The following MCF2L variants were observed in gnomAD, a reference collection of about 807,000 sequenced individuals.
The protein encoded by MCF2L is MCF.2 cell line derived transforming sequence like, also known as guanine nucleotide exchange factor DBS.
A neutral mutation model predicts 153.4 loss-of-function variants in MCF2L; 97 were observed. The observed-to-expected ratio is 0.63, with a 90% CI of 0.54 to 0.75. The LOEUF is 0.75. Among genes scored for constraint, MCF2L ranks in the 30% least tolerant of loss-of-function variants. MCF2L has a pLI of 0.00. For synonymous variants in MCF2L, 659 were observed against 632.2 expected (o/e 1.04, Z -0.64); for missense variants, 1,347 against 1,495.2 (o/e 0.90, Z 1.64).
Position 112,941,785 on chromosome 13 carries a change from C to G in MCF2L, c.169+39414C>G, listed in dbSNP as rs2081577701. On this transcript the variant is annotated intron_variant, in intron 2 of 29. Coordinates refer to the MCF2L transcript ENST00000375608. The surrounding 1 kb of genome is among the most constrained non-coding windows in gnomAD (Gnocchi z 4.9). ...ATCAATCATTAGTTTGTAGCAATTA[C>G]TCTTTATTCCAATATTATAATAATC... Among the ~76,000 whole-genome samples, 1 of 152,098 alleles carries G rather than the reference C, an allele frequency of 6.6e-6. No homozygotes were observed. Among genetic ancestry groups the G allele is most frequent in the South Asian group, 2.1e-4 (1 of 4,826 alleles).
In MCF2L at chr13:113,078,658, C is replaced by T. The variant is rs78495042; in HGVS notation, c.1735-8C>T. The T allele has an allele frequency of 4.9e-5, 79 of 1,611,556 alleles. No homozygotes were observed. In the East Asian group the frequency reaches 1.6e-3, roughly 32 times the overall value. On this transcript the variant is annotated splice_region_variant and splice_polypyrimidine_tract_variant and intron_variant, in intron 14 of 29. Coordinates refer to ENST00000535094, the MANE Select transcript of MCF2L (RefSeq NM_001112732.3). ...GCCTTTCAGACCTGACGCTGTTTTT[C>T]TCCCCAGAGTGAGATGAGTGAGAGC...
chr13:112,897,042 C>T (rs1053761250), intron 1 of MCF2L, among the ~76,000 whole-genome samples: 1 of 152,182 alleles, frequency 6.6e-6, no homozygotes, highest in Non-Finnish European at 1.5e-5. Flanking sequence ...AGGGCCCCAG[C>T]TCGGAGTGCG....
intron 2 of MCF2L, chr13:112,917,096 C>A: frequency 2.1e-6 from 1 of 471,296 alleles, no homozygotes; most frequent in Admixed American, 2.3e-5. Context: ...CCTGCCTGAT[C>A]TCTCCATCTG....
intron 26 of MCF2L, chr13:113,090,826 C>T (rs1295121903): frequency 1.8e-6 from 2 of 1,090,560 alleles, no homozygotes; most frequent in Non-Finnish European, 2.2e-6. Flanking sequence ...ACAACAGATT[C>T]TGGTGCTGCA....
intron 2 of MCF2L, among the ~76,000 whole-genome samples, chr13:112,938,744 C>T (rs140496480): frequency 3.9e-5 from 6 of 152,308 alleles, no homozygotes; most frequent in Non-Finnish European, 7.3e-5. Flanking sequence ...AAAGTTTTGG[C>T]GCTACCAGGG....
In MCF2L at chr13:113,027,826, C is replaced by T. The variant is rs1481067307; in HGVS notation, c.278+3068C>T. ...GGGGATGGCTGGGCAGGGGAGCGCC[C>T]GAAGGCTCAGACCACATGGCCGTAC... is the stretch of plus-strand genomic sequence containing the variant. On this transcript the variant is annotated intron_variant, in intron 3 of 29. Coordinates refer to ENST00000535094, the MANE Select transcript of MCF2L (RefSeq NM_001112732.3). The surrounding 1 kb of genome is among the most constrained non-coding windows in gnomAD (Gnocchi z 4.8). 6.6e-6 allele frequency among the ~76,000 whole-genome samples: 1 copy of T among 152,174 alleles called. No homozygotes were observed. The highest frequency in any genetic ancestry group is 2.4e-5 in the African/African-American group (1 of 41,430).
intron 1 of MCF2L, among the ~76,000 whole-genome samples, chr13:113,004,123 C>T (rs2083540202): frequency 6.6e-6 from 1 of 152,158 alleles, no homozygotes; most frequent in South Asian, 2.1e-4. Flanking sequence ...TGGTGCAGGC[C>T]ACGCCTCCCC....
intron 1 of MCF2L, among the ~76,000 whole-genome samples, chr13:112,987,114 G>A (rs1407383415): frequency 2.0e-5 from 3 of 152,142 alleles, no homozygotes; most frequent in Non-Finnish European, 2.9e-5. Flanking sequence ...CTCACTCAGT[G>A]GAGCTGCCTT....
intron 8 of MCF2L, among the ~76,000 whole-genome samples, chr13:113,069,808 C>G (rs1384003011): frequency 6.6e-6 from 1 of 152,132 alleles, no homozygotes; most frequent in Non-Finnish European, 1.5e-5. Flanking sequence ...TCGCAGTGAC[C>G]TAGAGGGAGA....
intron 2 of MCF2L, among the ~76,000 whole-genome samples, chr13:112,931,383 G>A (rs564921083): frequency 2.6e-5 from 4 of 152,328 alleles, no homozygotes; most frequent in South Asian, 4.2e-4. Flanking sequence ...CTGCTCTGCC[G>A]GAAGCTGAAA....
Position 113,041,355 on chromosome 13 carries a change from G to A in MCF2L, c.279-3916G>A, listed in dbSNP as rs554409596. On this transcript the variant is annotated intron_variant, in intron 3 of 29. Transcript: ENST00000535094. Reference sequence around the variant, plus strand: ...TGAGCAGATCCAGGTCCTGCCTCACGGTTTTGGGCAGTGCAGCCTCGGGAA... The same window carrying A: ...TGAGCAGATCCAGGTCCTGCCTCACAGTTTTGGGCAGTGCAGCCTCGGGAA... Among the ~76,000 whole-genome samples, 8 of 152,328 alleles carry A rather than the reference G, an allele frequency of 5.3e-5. No individual in the cohort carries two copies. In the South Asian group the frequency reaches 1.2e-3, roughly 24 times the overall value.
At chr13:113,007,869 A>C (rs186100987) in intron 1 of MCF2L, among the ~76,000 whole-genome samples, 2 of 148,292 alleles carry the variant, frequency 1.3e-5, no homozygotes, top group East Asian at 3.9e-4. Flanking sequence ...GTCACGTGAC[A>C]AACTTTGTGC....
chr13:112,969,430 G>A lies in MCF2L; in HGVS notation c.51G>A (p.Gln17=). ...AGATGGCCTTGGAAGAAATGGTGCA[G>A]AGATTAAATGCGGTTTCCAAGCACA... ...TEEMALEEMV[Q]RLNAVSKHTD... Residue 17 remains glutamine (Q), a synonymous_variant, in exon 1 of 30, where the codon CAG becomes CAA. Coordinates refer to ENST00000535094, the MANE Select transcript of MCF2L (RefSeq NM_001112732.3). The surrounding 1 kb of genome is among the most constrained non-coding windows in gnomAD (Gnocchi z 4.8). 1.9e-6 allele frequency: 3 copies of A among 1,550,510 alleles called. No individual in the cohort carries two copies. The highest frequency in any genetic ancestry group is 2.6e-6 in the Non-Finnish European group (3 of 1,146,908).
rs1391769669 is a variant in MCF2L at position 113,098,397 on chromosome 13, C to T, written c.*1538C>T. ...GTGCCTCCGTCTCGTCGCACAGCTG[C>T]GCGCCCTTGTGTGACCCTCCCCATA... On this transcript the variant is annotated 3_prime_UTR_variant, in exon 30 of 30. Transcript: ENST00000535094. 3 of 152,524 alleles carry T rather than the reference C, an allele frequency of 2.0e-5. No homozygotes were observed. The highest frequency in any genetic ancestry group is 6.5e-5 in the Admixed American group (1 of 15,288). The allele number at this position is 152,524 out of a possible 1,614,324, so 9.4% of individuals were successfully genotyped here. A position where few individuals can be genotyped will look rare whatever the true frequency, so the allele number is the denominator to read the frequency against.
At chr13:113,006,109 C>T (rs1053549222) in intron 1 of MCF2L, among the ~76,000 whole-genome samples, 1 of 152,198 alleles carries the variant, frequency 6.6e-6, no homozygotes. Flanking sequence ...CCTGCCCTGT[C>T]CCAGCCACTG....
chr13:113,014,912 C>T (rs1425724663), intron 2 of MCF2L, 66 bp downstream of exon 2: 17 of 1,466,572 alleles, frequency 1.2e-5, no homozygotes, highest in Non-Finnish European at 1.4e-5. Context: ...GGCCGAGCAG[C>T]CCCCGTGGCC....
chr13:112,911,161 GCC>G (rs987824907), intron 2 of MCF2L, among the ~76,000 whole-genome samples: 6 of 152,302 alleles, frequency 3.9e-5, no homozygotes, highest in African/African-American at 1.4e-4. Flanking sequence ...GAATGCCAAG[GCC>G]CCCTCAGGAG....
intron 1 of MCF2L, among the ~76,000 whole-genome samples, chr13:112,978,525 C>A (rs1457829860): frequency 6.6e-6 from 1 of 152,216 alleles, no homozygotes; most frequent in Non-Finnish European, 1.5e-5. Context: ...CAAGGCGCCA[C>A]CTCTCAGGCT....
Position 113,024,681 on chromosome 13 carries a change from C to G in MCF2L, c.201C>G (p.Phe67Leu). Residue 67 changes from phenylalanine (F) to leucine (L), a missense_variant, in exon 3 of 30, where the codon TTC (phenylalanine) becomes TTG (leucine). Around this residue, in one of 3 missense-constraint regions of MCF2L, gnomAD observed 820 missense variants for 921.2 expected, o/e 0.89. Transcript: ENST00000535094. Reference sequence around the variant, plus strand: ...AGGACGGAAGCCCGGTTATCACCTTCCCTGACTACCCGGCCTTCAGCGAGA... The same window carrying G: ...AGGACGGAAGCCCGGTTATCACCTTGCCTGACTACCCGGCCTTCAGCGAGA... The part of the protein sequence containing the change: ...RGQDGSPVIT[F>L]PDYPAFSEIP... 6.2e-7 allele frequency: 1 copy of G among 1,614,170 alleles called. No homozygotes were observed. Among genetic ancestry groups the G allele is most frequent in the Non-Finnish European group, 8.5e-7 (1 of 1,180,034 alleles).
Sources: gnomAD v4.1 joint callset for allele counts (sites outside exome capture counted in the v4.1 genomes callset) on GRCh38, gnomAD v4.1.1 for gene constraint, gnomAD v4.1.1 regional missense constraint, Gnocchi (gnomAD v3.1) non-coding constraint, MANE v1.5 for transcripts, NCBI Gene and HGNC (gene_info 2026-07-23, HGNC 2026-07-21) for gene names.